The following PIWIL2 variants were observed in gnomAD, a reference collection of about 807,000 sequenced individuals.
PIWIL2 encodes the protein piwi like RNA-mediated gene silencing 2.
PIWIL2 carries 81 observed loss-of-function variants against 116.5 expected under a neutral mutation model. The observed-to-expected ratio is 0.70, with a 90% CI of 0.58 to 0.84. The LOEUF (loss-of-function observed/expected upper bound fraction) is 0.84. PIWIL2 is among the 40% of genes least tolerant of loss of function. The probability of loss-of-function intolerance (pLI) is 0.00; values close to 1 mark genes in which losing one functional copy is unlikely to be tolerated. For missense variants in PIWIL2, 1,272 were observed against 1,212.3 expected (o/e 1.05, Z -0.73); for synonymous variants, 489 against 429.5 (o/e 1.14, Z -1.71).
chr8:22,345,383 A>G (rs1832202756), intron 20 of PIWIL2, among the ~76,000 whole-genome samples: 1 of 152,200 alleles, frequency 6.6e-6, no homozygotes, highest in Non-Finnish European at 1.5e-5. Flanking sequence ...CAAATGGGCC[A>G]GGCGCAGTGG....
intron 11 of PIWIL2, 30 bp downstream of exon 11, chr8:22,304,239 A>C: frequency 1.3e-6 from 2 of 1,514,844 alleles, no homozygotes; most frequent in African/African-American, 1.4e-5. Context: ...TTTGGGCCTC[A>C]GGGTGGGGGT....
At chr8:22,277,587 G>A (rs1016104557) in intron 1 of PIWIL2, among the ~76,000 whole-genome samples, 3 of 151,828 alleles carry the variant, frequency 2.0e-5, no homozygotes, top group Non-Finnish European at 4.4e-5. Flanking sequence ...CCTAAGACTG[G>A]CCTCAAACTC....
chr8:22,297,821 T>A (rs553113700), intron 10 of PIWIL2, among the ~76,000 whole-genome samples: 23 of 152,180 alleles, frequency 1.5e-4, no homozygotes, highest in Non-Finnish European at 2.4e-4. Flanking sequence ...AACCATAGGC[T>A]CTCAGGAAAG....
At chr8:22,308,962 C>G (rs578139741) in intron 14 of PIWIL2, among the ~76,000 whole-genome samples, 2 of 151,190 alleles carry the variant, frequency 1.3e-5, no homozygotes, top group Admixed American at 1.3e-4. Flanking sequence ...TGTTTATTTT[C>G]TTTTTTCTGT....
chr8:22,351,440 CAT>C (rs71544885), intron 20 of PIWIL2, among the ~76,000 whole-genome samples: 2,123 of 52,256 alleles, frequency 0.041, 20 homozygotes, highest in Non-Finnish European at 0.046. Context: ...TGCATACATA[CAT>C]ATATATATAT....
intron 20 of PIWIL2, among the ~76,000 whole-genome samples, chr8:22,319,337 A>G (rs78829585): frequency 0.027 from 4,180 of 152,266 alleles, 95 homozygotes; most frequent in Middle Eastern, 0.068. Context: ...CAAGGTCCAT[A>G]TGTTATGCTA....
chr8:22,307,628 C>T (rs1470723498), intron 13 of PIWIL2, among the ~76,000 whole-genome samples: 1 of 151,656 alleles, frequency 6.6e-6, no homozygotes, highest in Non-Finnish European at 1.5e-5. Flanking sequence ...GAGTACAGGG[C>T]ACGCACCACC....
chr8:22,328,505 T>TA (rs2132075274), intron 20 of PIWIL2, among the ~76,000 whole-genome samples: 1 of 152,330 alleles, frequency 6.6e-6, no homozygotes, highest in Non-Finnish European at 1.5e-5. Context: ...TTGTATTGAA[T>TA]ATCTAGATTA....
At chr8:22,352,706 T>G (rs767384377) in intron 20 of PIWIL2, 11 of 433,716 alleles carry the variant, frequency 2.5e-5, no homozygotes, top group Non-Finnish European at 4.5e-5. Context: ...CGTATGCATG[T>G]GACTCATAAC....
chr8:22,297,459 G>A (rs1291541998), intron 10 of PIWIL2, among the ~76,000 whole-genome samples: 1 of 152,044 alleles, frequency 6.6e-6, no homozygotes, highest in African/African-American at 2.4e-5. Context: ...TCAATCACCA[G>A]TGATACTGTT....
chr8:22,332,220 G>C (rs1831878921), intron 20 of PIWIL2, among the ~76,000 whole-genome samples: 1 of 152,086 alleles, frequency 6.6e-6, no homozygotes, highest in Non-Finnish European at 1.5e-5. Context: ...CACGAGAACA[G>C]CTTGAACCTG....
chr8:22,338,428 C>T (rs1320844317), intron 20 of PIWIL2, among the ~76,000 whole-genome samples: 3 of 152,112 alleles, frequency 2.0e-5, no homozygotes, highest in Non-Finnish European at 2.9e-5. Flanking sequence ...GGGTGGCTCA[C>T]GCCTGTAATC....
In PIWIL2 at chr8:22,353,103, T is replaced by G. The variant is rs780231548; in HGVS notation, c.2548T>G (p.Phe850Val). 1.1e-5 allele frequency: 17 copies of G among 1,614,048 alleles called. No individual in the cohort carries two copies. Among genetic ancestry groups the G allele is most frequent in the Admixed American group, 6.7e-5 (4 of 59,994 alleles). ...GAATTATCAGCCCAAGATGGTGGTG[T>G]TTGTAGTTCAGAAGAAAATCAGTAC... ...FENYQPKMVVFVVQKKISTNL... is the reference protein window; with the variant it reads ...FENYQPKMVVVVVQKKISTNL... The change falls in exon 21 of 23, where the codon TTT becomes GTT. Residue 850 changes from phenylalanine (F) to valine (V), a missense_variant. Coordinates refer to ENST00000356766, the MANE Select transcript of PIWIL2 (RefSeq NM_018068.5).
rs1830446686 is a variant in PIWIL2 at position 22,279,350 on chromosome 8, C to T, written c.-37C>T. ...TTGAAAATGATGGCAGGTAATTAAC[C>T]AGAACAGGATCGACACGTGTTCTCT... is the stretch of plus-strand genomic sequence containing the variant. On this transcript the variant is annotated 5_prime_UTR_variant, in exon 2 of 23. Coordinates refer to ENST00000356766, the MANE Select transcript of PIWIL2 (RefSeq NM_018068.5). 6.6e-7 allele frequency: 1 copy of T among 1,522,894 alleles called. No homozygotes were observed. Among genetic ancestry groups the T allele is most frequent in the East Asian group, 2.3e-5 (1 of 44,414 alleles). The allele number at this position is 1,522,894 out of a possible 1,614,324, so 94.3% of individuals were successfully genotyped here. A position where few individuals can be genotyped will look rare whatever the true frequency, so the allele number is the denominator to read the frequency against.
intron 1 of PIWIL2, among the ~76,000 whole-genome samples, chr8:22,278,823 C>A (rs1334755462): frequency 2.0e-5 from 3 of 152,132 alleles, no homozygotes; most frequent in Non-Finnish European, 4.4e-5. Context: ...TTGTGCAAAC[C>A]CTCTTGTGAA....
At chr8:22,315,685 A>G (rs912329921) in intron 18 of PIWIL2, among the ~76,000 whole-genome samples, 1 of 152,216 alleles carries the variant, frequency 6.6e-6, no homozygotes, top group African/African-American at 2.4e-5. Flanking sequence ...TGAAAATTAT[A>G]TGAAGTGAGT....
intron 20 of PIWIL2, among the ~76,000 whole-genome samples, chr8:22,341,946 G>A (rs188405503): frequency 6.8e-6 from 1 of 146,160 alleles, no homozygotes; most frequent in Admixed American, 6.9e-5. Context: ...CAAGGTTGTA[G>A]GATACACAGT....
At chr8:22,300,028 C>T (rs1010274060) in intron 10 of PIWIL2, among the ~76,000 whole-genome samples, 2 of 152,072 alleles carry the variant, frequency 1.3e-5, no homozygotes, top group Admixed American at 1.3e-4. Flanking sequence ...CAACCTCCAT[C>T]TCCCGGGTTC....
Position 22,309,931 on chromosome 8 carries a change from C to T in PIWIL2, c.1687-30C>T, listed in dbSNP as rs770123409. The T allele has an allele frequency of 7.6e-6, 10 of 1,318,054 alleles. No individual in the cohort carries two copies. In the East Asian group the frequency reaches 1.8e-4, roughly 24 times the overall value. 81.6% of individuals were successfully genotyped at this position (1,318,054 alleles called of 1,614,324 possible). On this transcript the variant is annotated intron_variant, in intron 14 of 22. Coordinates refer to ENST00000356766, the MANE Select transcript of PIWIL2 (RefSeq NM_018068.5). ...TTTCTAAATAGCGTTTGAAAAGGCT[C>T]ATGTCATAGATGGTTTATTTTCTGT...
Sources: gnomAD v4.1 joint callset for allele counts (sites outside exome capture counted in the v4.1 genomes callset) on GRCh38, gnomAD v4.1.1 for gene constraint, MANE v1.5 for transcripts, NCBI Gene and HGNC (gene_info 2026-07-23, HGNC 2026-07-21) for gene names.